Variants in AHCYL2 observed in about 807,000 individuals in gnomAD.
AHCYL2 encodes the protein S-adenosylhomocysteine hydrolase-like protein 2.
In AHCYL2, 28 loss-of-function variants were observed where a neutral mutation model predicts 81.4. The observed-to-expected ratio is 0.34, with a 90% CI of 0.25 to 0.47. The LOEUF (loss-of-function observed/expected upper bound fraction) is 0.47. AHCYL2 is among the 20% of genes least tolerant of loss of function. The pLI, the probability that AHCYL2 is intolerant of heterozygous loss-of-function variation, is 1.00. For missense variants in AHCYL2, 551 were observed against 785.1 expected, an observed-to-expected ratio of 0.70 and a Z score of 3.56; for synonymous variants, 272 against 290.2, an observed-to-expected ratio of 0.94 and a Z score of 0.64.
At chr7:129,404,109 T>C (rs933210343) in intron 7 of AHCYL2, among the ~76,000 whole-genome samples, 3 of 151,908 alleles carry the variant, frequency 2.0e-5, no homozygotes, top group Admixed American at 2.0e-4. Context: ...TGGACACATA[T>C]ATTCATTCAT....
At chr7:129,360,562 A>T (rs1186950863) in intron 1 of AHCYL2, among the ~76,000 whole-genome samples, 1 of 152,256 alleles carries the variant, frequency 6.6e-6, no homozygotes, top group Non-Finnish European at 1.5e-5. Flanking sequence ...ATGATCAATT[A>T]TAGTATCAAT....
chr7:129,395,173 G>T (rs2150916962), intron 4 of AHCYL2, among the ~76,000 whole-genome samples: 1 of 152,324 alleles, frequency 6.6e-6, no homozygotes, highest in African/African-American at 2.4e-5. Context: ...GGTTACCAAA[G>T]GACATTCCTC....
intron 1 of AHCYL2, among the ~76,000 whole-genome samples, chr7:129,249,865 AG>A (rs1795192069): frequency 6.6e-6 from 1 of 152,096 alleles, no homozygotes; most frequent in Non-Finnish European, 1.5e-5. Flanking sequence ...AATGTTTTCA[AG>A]GTCCCTTCAT....
chr7:129,237,815 T>G (rs1794694003), intron 1 of AHCYL2, among the ~76,000 whole-genome samples: 2 of 152,060 alleles, frequency 1.3e-5, no homozygotes, highest in Non-Finnish European at 1.5e-5. Context: ...AACCTCCATC[T>G]CCCGGGTTCA....
intron 1 of AHCYL2, among the ~76,000 whole-genome samples, chr7:129,361,830 G>T (rs1386484239): frequency 2.6e-5 from 4 of 151,472 alleles, no homozygotes; most frequent in African/African-American, 9.7e-5. Context: ...TTGCTATGTT[G>T]CTCAGGCTGA....
At chr7:129,293,125 G>C (rs955907706) in intron 1 of AHCYL2, among the ~76,000 whole-genome samples, 21 of 141,202 alleles carry the variant, frequency 1.5e-4, no homozygotes, top group Non-Finnish European at 3.2e-4. Context: ...TTCTCAAGTT[G>C]ATCAGTGAAG....
chr7:129,265,716 A>T (rs1234789105), intron 1 of AHCYL2, among the ~76,000 whole-genome samples: 1 of 152,076 alleles, frequency 6.6e-6, no homozygotes, highest in Non-Finnish European at 1.5e-5. Context: ...TGAGATAGAA[A>T]ACCATTGGAA....
At chr7:129,227,197 A>C (rs553645268) in intron 1 of AHCYL2, among the ~76,000 whole-genome samples, 2 of 152,298 alleles carry the variant, frequency 1.3e-5, no homozygotes, top group African/African-American at 4.8e-5. Context: ...TTGGCACATA[A>C]AGTCTTAAAT....
chr7:129,373,492 C>A (rs550088948), intron 1 of AHCYL2, among the ~76,000 whole-genome samples: 7 of 151,744 alleles, frequency 4.6e-5, no homozygotes, highest in Non-Finnish European at 7.4e-5. Flanking sequence ...CCCAGCTACT[C>A]GGGAGACTGA....
chr7:129,351,223 G>T (rs578005888), intron 1 of AHCYL2, among the ~76,000 whole-genome samples: 3 of 152,180 alleles, frequency 2.0e-5, no homozygotes, highest in Admixed American at 6.5e-5. Context: ...AACACTTTTG[G>T]ATTTTAAAAA....
intron 1 of AHCYL2, among the ~76,000 whole-genome samples, chr7:129,255,670 G>A (rs901968733): frequency 1.3e-5 from 2 of 152,204 alleles, no homozygotes; most frequent in African/African-American, 4.8e-5. Flanking sequence ...TGAACTCAAC[G>A]GAAGTTGATG....
chr7:129,283,634 A>G (rs967213877), intron 1 of AHCYL2, among the ~76,000 whole-genome samples: 1 of 152,094 alleles, frequency 6.6e-6, no homozygotes, highest in Non-Finnish European at 1.5e-5. Flanking sequence ...AAAGTTTTAT[A>G]TTTTAAGTGT....
In AHCYL2 at chr7:129,427,142, C is replaced by A; in HGVS notation, c.*97C>A. The A allele has an allele frequency of 2.3e-6, 3 of 1,284,864 alleles. No individual in the cohort carries two copies. The highest frequency in any genetic ancestry group is 1.2e-5 in the South Asian group (1 of 80,748). 79.6% of individuals were successfully genotyped at this position (1,284,864 alleles called of 1,614,324 possible). A position where few individuals can be genotyped will look rare whatever the true frequency, so the allele number is the denominator to read the frequency against. On this transcript the variant is annotated 3_prime_UTR_variant, in exon 17 of 17. Coordinates refer to ENST00000325006, the MANE Select transcript of AHCYL2 (RefSeq NM_015328.4). This position sits in a 1 kb window ranked among gnomAD's most constrained non-coding sequence, Gnocchi z 5.5. The stretch of plus-strand genomic sequence containing the variant: ...GAATTCAGCAAGCTGCTTCTCCAAT[C>A]AAAGCTGCCTGCCGTGCTCACCCTG...
chr7:129,270,357 G>A (rs1795965997), intron 1 of AHCYL2, among the ~76,000 whole-genome samples: 1 of 152,166 alleles, frequency 6.6e-6, no homozygotes, highest in South Asian at 2.1e-4. Context: ...AATCTTCTTA[G>A]TGCAAATAAC....
chr7:129,256,488 T>C (rs1795424230), intron 1 of AHCYL2, among the ~76,000 whole-genome samples: 1 of 150,506 alleles, frequency 6.6e-6, no homozygotes, highest in Non-Finnish European at 1.5e-5. Context: ...ATACAAAAGG[T>C]AGCAGCATAC....
intron 1 of AHCYL2, among the ~76,000 whole-genome samples, chr7:129,296,256 G>C (rs966502696): frequency 1.3e-5 from 2 of 152,224 alleles, no homozygotes; most frequent in African/African-American, 4.8e-5. Flanking sequence ...GAGTAGAAGA[G>C]AGGTTGCATA....
Position 129,426,672 on chromosome 7 carries a change from A to G in AHCYL2, c.1829+109A>G. The G allele has an allele frequency of 6.9e-7, 1 of 1,446,030 alleles. No homozygotes were observed. The highest frequency in any genetic ancestry group is 9.2e-7 in the Non-Finnish European group (1 of 1,082,446). The allele number at this position is 1,446,030 out of a possible 1,614,324, so 89.6% of individuals were successfully genotyped here. ...CATATGCTTACATGAACTCAGAAAA[A>G]TGAACCCACTTCCCCTCACTGCCAC... On this transcript the variant is annotated intron_variant, in intron 16 of 16. Transcript: ENST00000325006. The surrounding 1 kb of genome is among the most constrained non-coding windows in gnomAD (Gnocchi z 4.3).
At chr7:129,289,190 A>G (rs1796749199) in intron 1 of AHCYL2, among the ~76,000 whole-genome samples, 1 of 152,230 alleles carries the variant, frequency 6.6e-6, no homozygotes, top group South Asian at 2.1e-4. Flanking sequence ...CCTGGGCTCA[A>G]GTGATCCTCC....
chr7:129,418,829 A>G (rs943639482), intron 12 of AHCYL2, among the ~76,000 whole-genome samples: 2 of 152,176 alleles, frequency 1.3e-5, no homozygotes, highest in Non-Finnish European at 1.5e-5. Flanking sequence ...TTCTTTCAGT[A>G]TTTCTGACTG....
Sources: gnomAD v4.1 joint callset for allele counts (sites outside exome capture counted in the v4.1 genomes callset) on GRCh38, gnomAD v4.1.1 for gene constraint, Gnocchi (gnomAD v3.1) non-coding constraint, MANE v1.5 for transcripts, NCBI Gene and HGNC (gene_info 2026-07-23, HGNC 2026-07-21) for gene names.